PBX1: variants seen among roughly 807,000 people sequenced by gnomAD.
The protein encoded by PBX1 is pre-B-cell leukemia transcription factor 1.
PBX1 carries 6 observed loss-of-function variants against 53.4 expected under a neutral mutation model. The ratio of observed to expected loss-of-function variants is 0.11; its 90% CI spans 0.06 to 0.22. PBX1 has a LOEUF of 0.22. PBX1 is among the 10% of genes least tolerant of loss of function. The pLI is 1.00. For synonymous variants in PBX1, 204 were observed against 212.3 expected, an observed-to-expected ratio of 0.96 and a Z score of 0.34; for missense variants, 251 against 551.4, an observed-to-expected ratio of 0.46 and a Z score of 5.46.
chr1:164,796,536 T>A (rs974490984), intron 3 of PBX1, among the ~76,000 whole-genome samples: 1 of 152,210 alleles, frequency 6.6e-6, no homozygotes, highest in Non-Finnish European at 1.5e-5. Context: ...TCCCAGTTAC[T>A]TTTGTTGATG....
At chr1:164,641,104 T>A (rs988239986) in intron 2 of PBX1, 1 of 152,972 alleles carries the variant, frequency 6.5e-6, no homozygotes, top group African/African-American at 2.4e-5. Flanking sequence ...AAGGCAGTGG[T>A]TCTAAAATTC....
At chr1:164,588,911 G>C (rs1423546541) in intron 2 of PBX1, among the ~76,000 whole-genome samples, 3 of 151,954 alleles carry the variant, frequency 2.0e-5, no homozygotes, top group Non-Finnish European at 4.4e-5. Context: ...TTTCCTTTCT[G>C]TTGTTTAAAG....
intron 2 of PBX1, among the ~76,000 whole-genome samples, chr1:164,665,801 G>A (rs1004556479): frequency 2.6e-5 from 4 of 152,160 alleles, no homozygotes; most frequent in African/African-American, 9.7e-5. Context: ...TGTCATCGTG[G>A]ATGGCAAAAG....
intron 8 of PBX1, among the ~76,000 whole-genome samples, chr1:164,827,120 G>A (rs1670508466): frequency 6.6e-6 from 1 of 152,170 alleles, no homozygotes; most frequent in South Asian, 2.1e-4. Context: ...GGGATACTTA[G>A]TAATACTTGG....
At chr1:164,623,775 C>T (rs554639080) in intron 2 of PBX1, among the ~76,000 whole-genome samples, 23 of 152,302 alleles carry the variant, frequency 1.5e-4, no homozygotes, top group African/African-American at 5.1e-4. Context: ...AAACTCGAGT[C>T]GTGCCTAACG....
chr1:164,560,809 G>A (rs2101681291), intron 1 of PBX1, among the ~76,000 whole-genome samples: 1 of 152,234 alleles, frequency 6.6e-6, no homozygotes. Context: ...TTAAAAAGGG[G>A]TGGGGGGACA....
In PBX1 at chr1:164,848,523, C is replaced by G; in HGVS notation, c.*1847C>G. 1 of 1,059,300 alleles carries G rather than the reference C, an allele frequency of 9.4e-7. No homozygotes were observed. The allele number at this position is 1,059,300 out of a possible 1,614,324, so 65.6% of individuals were successfully genotyped here. On this transcript the variant is annotated 3_prime_UTR_variant, in exon 9 of 9. Transcript: ENST00000420696. ...ACAATAAATGGTTTTCTTGTTGTAA[C>G]TTCTGGTTAATATCAGTACCTTGAT...
At chr1:164,794,587 T>C (rs906410487) in intron 3 of PBX1, among the ~76,000 whole-genome samples, 4 of 152,142 alleles carry the variant, frequency 2.6e-5, no homozygotes, top group Non-Finnish European at 4.4e-5. Context: ...TTTCCCCAGA[T>C]CCCAGGCAAT....
At chr1:164,616,517 G>GT (rs1312805102) in intron 2 of PBX1, among the ~76,000 whole-genome samples, 1 of 152,170 alleles carries the variant, frequency 6.6e-6, no homozygotes, top group African/African-American at 2.4e-5. Flanking sequence ...ATGAGTTTCG[G>GT]TTAGCTGAAT....
intron 2 of PBX1, among the ~76,000 whole-genome samples, chr1:164,664,160 G>A (rs1027689248): frequency 1.3e-5 from 2 of 152,188 alleles, no homozygotes; most frequent in African/African-American, 4.8e-5. Flanking sequence ...GGTTAACTGA[G>A]GTCATGGAGT....
At chr1:164,827,054 A>T (rs1670505312) in intron 8 of PBX1, among the ~76,000 whole-genome samples, 1 of 152,222 alleles carries the variant, frequency 6.6e-6, no homozygotes, top group Non-Finnish European at 1.5e-5. Context: ...ATAAATCATT[A>T]GGACAAAAAT....
At chr1:164,802,375 G>A (rs1669121698) in intron 4 of PBX1, among the ~76,000 whole-genome samples, 1 of 152,150 alleles carries the variant, frequency 6.6e-6, no homozygotes, top group African/African-American at 2.4e-5. Context: ...CTCCTTCCAA[G>A]CTCGTTCTGG....
chr1:164,816,666 C>A (rs1347320551), intron 6 of PBX1: 6 of 151,976 alleles, frequency 3.9e-5, no homozygotes, highest in Non-Finnish European at 8.8e-5. Flanking sequence ...TAGAGGATAA[C>A]CATTGTAGGG....
chr1:164,729,185 G>T (rs1257594053), intron 2 of PBX1, among the ~76,000 whole-genome samples: 3 of 152,274 alleles, frequency 2.0e-5, no homozygotes, highest in South Asian at 4.1e-4. Context: ...AAAAATATGT[G>T]GTTGAATTCT....
chr1:164,590,062 A>C (rs1655254495), intron 2 of PBX1, among the ~76,000 whole-genome samples: 1 of 151,860 alleles, frequency 6.6e-6, no homozygotes, highest in African/African-American at 2.4e-5. Context: ...AATAATAATA[A>C]GACATCCAGG....
chr1:164,655,873 G>A (rs888639859), intron 2 of PBX1, among the ~76,000 whole-genome samples: 1 of 152,140 alleles, frequency 6.6e-6, no homozygotes, highest in African/African-American at 2.4e-5. Context: ...AGGACCTGAT[G>A]AAGATTTTGT....
chr1:164,693,004 C>T (rs1382442138), intron 2 of PBX1, among the ~76,000 whole-genome samples: 7 of 152,324 alleles, frequency 4.6e-5, no homozygotes, highest in African/African-American at 1.7e-4. Context: ...CTGTGCTAAT[C>T]CCCAGAGAGG....
At chr1:164,834,611 G>A (rs186802507) in intron 8 of PBX1, among the ~76,000 whole-genome samples, 2 of 152,190 alleles carry the variant, frequency 1.3e-5, no homozygotes, top group Admixed American at 6.5e-5. Context: ...TCCCAAAGTG[G>A]TGGGATTACA....
intron 2 of PBX1, among the ~76,000 whole-genome samples, chr1:164,723,538 G>T (rs1388950110): frequency 6.6e-6 from 1 of 152,170 alleles, no homozygotes; most frequent in South Asian, 2.1e-4. Flanking sequence ...CCTCAGTCAT[G>T]CCATCTGACC....
Sources: allele counts gnomAD v4.1 joint callset (sites outside exome capture counted in the v4.1 genomes callset), GRCh38; gene constraint gnomAD v4.1.1; transcripts MANE v1.5; gene names NCBI Gene and HGNC (gene_info 2026-07-23, HGNC 2026-07-21).